Variants in CTNND2 observed in about 807,000 individuals in gnomAD.
CTNND2 encodes the protein catenin delta-2.
Under a neutral mutation model 144.4 loss-of-function variants are expected in CTNND2, and 22 were observed. The ratio of observed to expected loss-of-function variants is 0.15; its 90% CI spans 0.11 to 0.22. The LOEUF (loss-of-function observed/expected upper bound fraction) is 0.22. Ranked by LOEUF, CTNND2 falls within the 10% of genes least tolerant of loss-of-function variation. CTNND2 has a pLI of 1.00. For synonymous variants in CTNND2, 751 were observed against 695.6 expected, an observed-to-expected ratio of 1.08 and a Z score of -1.25; for missense variants, 1,353 against 1,618.8, an observed-to-expected ratio of 0.84 and a Z score of 2.82.
intron 3 of CTNND2, among the ~76,000 whole-genome samples, chr5:11,435,155 T>C (rs1401220187): frequency 6.6e-6 from 1 of 151,736 alleles, no homozygotes; most frequent in East Asian, 1.9e-4. Context: ...ATTTAATTTT[T>C]TGAGACAGAG....
At chr5:11,810,762 C>T (rs995716385) in intron 1 of CTNND2, among the ~76,000 whole-genome samples, 13 of 152,072 alleles carry the variant, frequency 8.5e-5, no homozygotes, top group African/African-American at 3.1e-4. Context: ...AGCAATATGC[C>T]TCTTAAATTA....
chr5:11,350,141 G>GA (rs199588264), intron 8 of CTNND2, among the ~76,000 whole-genome samples: 8 of 149,040 alleles, frequency 5.4e-5, no homozygotes, highest in African/African-American at 4.9e-5. Flanking sequence ...CATCTCAAAA[G>GA]AAAAAAAAAA....
chr5:11,065,074 C>T (rs1187403206), intron 16 of CTNND2, among the ~76,000 whole-genome samples: 1 of 152,218 alleles, frequency 6.6e-6, no homozygotes, highest in Admixed American at 6.5e-5. Flanking sequence ...TCTACATCTT[C>T]CACTCCATCT....
intron 16 of CTNND2, among the ~76,000 whole-genome samples, chr5:11,031,697 G>A (rs532153591): frequency 2.0e-5 from 3 of 152,214 alleles, no homozygotes; most frequent in East Asian, 1.9e-4. Flanking sequence ...CCATCCAGTC[G>A]GCTGCCAGCA....
At chr5:11,767,497 T>C (rs1217798927) in intron 1 of CTNND2, among the ~76,000 whole-genome samples, 2 of 152,244 alleles carry the variant, frequency 1.3e-5, no homozygotes, top group African/African-American at 4.8e-5. Flanking sequence ...ACTCAAGAGA[T>C]GGTTTAGAAA....
chr5:11,503,024 T>C (rs1226797482), intron 3 of CTNND2, among the ~76,000 whole-genome samples: 2 of 152,252 alleles, frequency 1.3e-5, no homozygotes, highest in South Asian at 4.1e-4. Flanking sequence ...TGTGGATTAT[T>C]ATATTCACAT....
At chr5:11,083,759 G>C (rs1749844943) in intron 15 of CTNND2, 1 of 281,716 alleles carries the variant, frequency 3.5e-6, no homozygotes, top group South Asian at 7.6e-5. Context: ...TTCACGCAAT[G>C]AGGCTGTGGA....
intron 1 of CTNND2, among the ~76,000 whole-genome samples, chr5:11,828,997 G>A (rs1054463140): frequency 3.3e-5 from 5 of 152,082 alleles, no homozygotes; most frequent in African/African-American, 9.7e-5. Context: ...GGTGACACTT[G>A]TTATGTTTTA....
At chr5:11,361,528 C>T (rs909949501) in intron 8 of CTNND2, among the ~76,000 whole-genome samples, 5 of 152,170 alleles carry the variant, frequency 3.3e-5, no homozygotes, top group African/African-American at 9.7e-5. Context: ...CTCTGTGCCT[C>T]GGTTTTCTGA....
At chr5:11,513,072 T>G (rs1486042283) in intron 3 of CTNND2, among the ~76,000 whole-genome samples, 1 of 152,096 alleles carries the variant, frequency 6.6e-6, no homozygotes, top group African/African-American at 2.4e-5. Context: ...CTGTTTTTCT[T>G]CAAAAACATG....
At chr5:11,803,672 T>C (rs1791825914) in intron 1 of CTNND2, among the ~76,000 whole-genome samples, 1 of 152,188 alleles carries the variant, frequency 6.6e-6, no homozygotes, top group South Asian at 2.1e-4. Flanking sequence ...GCTGTCATTG[T>C]CTAGTGCTTC....
At chr5:11,435,482 C>T (rs1350887409) in intron 3 of CTNND2, among the ~76,000 whole-genome samples, 1 of 152,090 alleles carries the variant, frequency 6.6e-6, no homozygotes, top group Non-Finnish European at 1.5e-5. Context: ...CTATTTCAGG[C>T]TTTACAAGCC....
intron 9 of CTNND2, among the ~76,000 whole-genome samples, chr5:11,301,067 A>T (rs1014247137): frequency 6.6e-6 from 1 of 152,022 alleles, no homozygotes; most frequent in African/African-American, 2.4e-5. Flanking sequence ...GCTGGGCTGG[A>T]GTGCAGTGGC....
At chr5:11,514,789 C>T (rs564665904) in intron 3 of CTNND2, among the ~76,000 whole-genome samples, 1 of 152,268 alleles carries the variant, frequency 6.6e-6, no homozygotes, top group African/African-American at 2.4e-5. Context: ...CCCATTCCCC[C>T]CAAAAATCAC....
chr5:11,644,061 A>C (rs967304813), intron 2 of CTNND2, among the ~76,000 whole-genome samples: 1 of 152,232 alleles, frequency 6.6e-6, no homozygotes, highest in Non-Finnish European at 1.5e-5. Flanking sequence ...TTAAATATTT[A>C]GTGCATGAAG....
intron 2 of CTNND2, among the ~76,000 whole-genome samples, chr5:11,722,742 G>A (rs952355770): frequency 6.6e-6 from 1 of 152,136 alleles, no homozygotes; most frequent in African/African-American, 2.4e-5. Flanking sequence ...CAGCAGGAGG[G>A]TAATTGCCCC....
chr5:11,607,956 G>A (rs766608228), intron 2 of CTNND2, among the ~76,000 whole-genome samples: 1 of 152,090 alleles, frequency 6.6e-6, no homozygotes, highest in Non-Finnish European at 1.5e-5. Flanking sequence ...AAACCCAGGG[G>A]AAAATCCTCT....
intron 18 of CTNND2, among the ~76,000 whole-genome samples, chr5:11,016,745 C>T (rs1458064317): frequency 5.3e-5 from 8 of 152,008 alleles, no homozygotes; most frequent in African/African-American, 1.2e-4. Flanking sequence ...CCATTCTCCC[C>T]GCTTATTGGT....
At chr5:11,206,078 T>C (rs1738011707) in intron 10 of CTNND2, among the ~76,000 whole-genome samples, 1 of 152,238 alleles carries the variant, frequency 6.6e-6, no homozygotes, top group South Asian at 2.1e-4. Flanking sequence ...GTATCAACTT[T>C]TTAAAGGATA....
Sources: gnomAD v4.1 joint callset for allele counts (sites outside exome capture counted in the v4.1 genomes callset) on GRCh38, gnomAD v4.1.1 for gene constraint, MANE v1.5 for transcripts, NCBI Gene and HGNC (gene_info 2026-07-23, HGNC 2026-07-21) for gene names.